The following SRPK1 variants were observed in gnomAD, a reference collection of about 807,000 sequenced individuals.
SRPK1 encodes the protein SRSF protein kinase 1.
SRPK1 carries 52 observed loss-of-function variants against 89.5 expected under a neutral mutation model. The observed-to-expected ratio is 0.58, with a 90% CI of 0.46 to 0.73. The LOEUF (loss-of-function observed/expected upper bound fraction) is 0.73, where lower values mean the gene tolerates loss of function less well. Ranked by LOEUF, SRPK1 falls within the 30% of genes least tolerant of loss-of-function variation. The probability of loss-of-function intolerance (pLI) is 0.00; values close to 1 mark genes in which losing one functional copy is unlikely to be tolerated. For synonymous variants in SRPK1, 255 were observed against 270.2 expected (o/e 0.94, Z 0.55); for missense variants, 603 against 780.6 (o/e 0.77, Z 2.71).
At chr6:35,892,698 CACAAA>C (rs71833999) in intron 2 of SRPK1, among the ~76,000 whole-genome samples, 108 of 149,912 alleles carry the variant, frequency 7.2e-4, no homozygotes, top group African/African-American at 2.2e-3. Flanking sequence ...ACGACAACAA[CACAAA>C]ACAAAACAAA....
intron 6 of SRPK1, among the ~76,000 whole-genome samples, chr6:35,883,947 A>G (rs188358620): frequency 3.9e-4 from 60 of 151,914 alleles, no homozygotes; most frequent in African/African-American, 1.3e-3. Context: ...GTTAGCCAAG[A>G]TGGTCTCGGT....
chr6:35,840,443 C>T (rs1395849287), intron 14 of SRPK1, among the ~76,000 whole-genome samples: 2 of 152,050 alleles, frequency 1.3e-5, no homozygotes, highest in Non-Finnish European at 2.9e-5. Flanking sequence ...TTAACAATAA[C>T]AAAAATAAGA....
chr6:35,909,923 T>C (rs1468403026), intron 2 of SRPK1, among the ~76,000 whole-genome samples: 1 of 152,180 alleles, frequency 6.6e-6, no homozygotes, highest in Non-Finnish European at 1.5e-5. Flanking sequence ...CCTTTATAAT[T>C]ACCCAGTCTC....
At chr6:35,863,696 AG>A (rs920870851) in intron 12 of SRPK1, among the ~76,000 whole-genome samples, 2 of 152,032 alleles carry the variant, frequency 1.3e-5, no homozygotes, top group Non-Finnish European at 2.9e-5. Flanking sequence ...AAAAAAGCTG[AG>A]GGATTTTATC....
At chr6:35,896,408 T>C (rs534527886) in intron 2 of SRPK1, among the ~76,000 whole-genome samples, 292 of 152,312 alleles carry the variant, frequency 1.9e-3, no homozygotes, top group Non-Finnish European at 3.3e-3. Context: ...TCAAGGTATA[T>C]TAAAGTTATA....
chr6:35,918,298 C>T lies in SRPK1; in HGVS notation c.74+2170G>A, dbSNP rs890708489. ...GGCGGATTACCTGAGCTCAGGAGTT[C>T]GAGACCAGCCTGGGCAACATGGCGA... On this transcript the variant is annotated intron_variant, in intron 2 of 15. Coordinates refer to ENST00000373825, the MANE Select transcript of SRPK1 (RefSeq NM_003137.5). Among the ~76,000 whole-genome samples the T allele has an allele frequency of 8.6e-5, 13 of 152,014 alleles. 1 individual carries two copies. Among genetic ancestry groups the T allele is most frequent in the Admixed American group, 1.3e-4 (2 of 15,268 alleles).
intron 2 of SRPK1, among the ~76,000 whole-genome samples, chr6:35,917,603 A>C (rs1402229476): frequency 1.3e-5 from 2 of 152,212 alleles, no homozygotes; most frequent in Non-Finnish European, 2.9e-5. Flanking sequence ...CACTCTAACA[A>C]ACACAGAGCT....
intron 7 of SRPK1, among the ~76,000 whole-genome samples, chr6:35,873,763 T>G (rs1582009813): frequency 1.3e-5 from 2 of 151,870 alleles, no homozygotes; most frequent in Admixed American, 1.3e-4. Flanking sequence ...GTGCTGGGAT[T>G]ACAGGCGTGA....
chr6:35,839,961 A>G (rs1019561493), intron 14 of SRPK1, among the ~76,000 whole-genome samples: 1 of 151,942 alleles, frequency 6.6e-6, no homozygotes, highest in Non-Finnish European at 1.5e-5. Context: ...TACAGGTGTG[A>G]GCCACTGTGC....
intron 15 of SRPK1, among the ~76,000 whole-genome samples, chr6:35,837,728 A>C (rs995099021): frequency 1.3e-5 from 2 of 151,852 alleles, no homozygotes; most frequent in Non-Finnish European, 2.9e-5. Flanking sequence ...GTTAATTAAA[A>C]ATTTTTTTTT....
intron 6 of SRPK1, among the ~76,000 whole-genome samples, 189 bp downstream of exon 6, chr6:35,886,535 A>G (rs1230053513): frequency 6.6e-6 from 1 of 152,226 alleles, no homozygotes; most frequent in Admixed American, 6.5e-5. Context: ...AGCTTAAAGC[A>G]ATATTCTGAA....
chr6:35,860,481 C>T (rs1231153403), intron 12 of SRPK1, among the ~76,000 whole-genome samples: 1 of 152,174 alleles, frequency 6.6e-6, no homozygotes, highest in Non-Finnish European at 1.5e-5. Context: ...AACATAAAGG[C>T]ACCAGAGCCT....
chr6:35,880,742 A>AAAAAAAAAAAAAAG, intron 6 of SRPK1, among the ~76,000 whole-genome samples: 1 of 28,176 alleles, frequency 3.5e-5, no homozygotes, highest in African/African-American at 3.1e-4. Flanking sequence ...AAAGAAAAAA[A>AAAAAAAAAAAAAAG]AAAAAAAAGA....
chr6:35,873,971 G>A (rs974819830), intron 7 of SRPK1, among the ~76,000 whole-genome samples: 1 of 151,864 alleles, frequency 6.6e-6, no homozygotes, highest in Non-Finnish European at 1.5e-5. Context: ...GGGACTACAG[G>A]TGCCTGCCAA....
intron 2 of SRPK1, among the ~76,000 whole-genome samples, chr6:35,893,385 T>A (rs951485271): frequency 1.3e-5 from 2 of 151,880 alleles, no homozygotes; most frequent in African/African-American, 4.8e-5. Context: ...CTCGGGGAAC[T>A]GAGGTGGGAG....
chr6:35,840,522 C>T (rs1335246629), intron 14 of SRPK1, among the ~76,000 whole-genome samples: 3 of 152,204 alleles, frequency 2.0e-5, no homozygotes, highest in Admixed American at 6.5e-5. Context: ...CTTAAGTAAA[C>T]TTCCAAGTAA....
At chr6:35,915,406 C>CA (rs560685673) in intron 2 of SRPK1, among the ~76,000 whole-genome samples, 3,751 of 73,532 alleles carry the variant, frequency 0.051, 145 homozygotes, top group Non-Finnish European at 0.063. Flanking sequence ...GACACCGTCT[C>CA]AAAAAAAAAA....
At chr6:35,855,628 TAGG>T (rs2151083750) in intron 13 of SRPK1, among the ~76,000 whole-genome samples, 1 of 152,316 alleles carries the variant, frequency 6.6e-6, no homozygotes, top group South Asian at 2.1e-4. Context: ...TTTTTCCTGG[TAGG>T]AAGTCTCTAA....
chr6:35,896,109 C>T (rs9470162), intron 2 of SRPK1, among the ~76,000 whole-genome samples: 47,925 of 152,024 alleles, frequency 0.32, 7,792 homozygotes, highest in South Asian at 0.42. Context: ...TCATGGGAAA[C>T]ACAATTTATA....
Sources: gnomAD v4.1 joint callset for allele counts (sites outside exome capture counted in the v4.1 genomes callset) on GRCh38, gnomAD v4.1.1 for gene constraint, MANE v1.5 for transcripts, NCBI Gene and HGNC (gene_info 2026-07-23, HGNC 2026-07-21) for gene names.